CTNNA2: variants seen among roughly 807,000 people sequenced by gnomAD.
CTNNA2 encodes the protein catenin alpha-2.
CTNNA2 carries 42 observed loss-of-function variants against 101.0 expected under a neutral mutation model. The observed-to-expected ratio is 0.42, with a 90% CI of 0.32 to 0.54. The LOEUF (loss-of-function observed/expected upper bound fraction) is 0.54. CTNNA2 is among the 20% of genes least tolerant of loss of function. The pLI is 0.14. For synonymous variants in CTNNA2, 450 were observed against 456.4 expected (o/e 0.99, Z 0.18); for missense variants, 871 against 1,223.1 (o/e 0.71, Z 4.29).
At chr2:80,044,468 A>G (rs111466425) in intron 7 of CTNNA2, among the ~76,000 whole-genome samples, 1,769 of 152,296 alleles carry the variant, frequency 0.012, 34 homozygotes, top group African/African-American at 0.041. Flanking sequence ...TCTAAAATAC[A>G]TGCCATTATG....
intron 12 of CTNNA2, among the ~76,000 whole-genome samples, chr2:80,571,328 C>A (rs979280319): frequency 2.0e-5 from 3 of 152,094 alleles, no homozygotes; most frequent in Admixed American, 2.0e-4. Context: ...TTGTTCAGAT[C>A]GGTTTCTATC....
intron 17 of CTNNA2, among the ~76,000 whole-genome samples, chr2:80,610,245 C>T (rs1375122126): frequency 6.6e-6 from 1 of 151,576 alleles, no homozygotes; most frequent in Non-Finnish European, 1.5e-5. Flanking sequence ...AATTCTGCCT[C>T]CATCTTTTTC....
chr2:80,560,008 C>A (rs751057338), intron 12 of CTNNA2, among the ~76,000 whole-genome samples: 29 of 143,650 alleles, frequency 2.0e-4, no homozygotes, highest in Admixed American at 5.1e-4. Context: ...GTTAAAAGAT[C>A]TGTGAGATTC....
At chr2:79,430,524 C>A (rs541489545) in intron 4 of CTNNA2, among the ~76,000 whole-genome samples, 1 of 152,234 alleles carries the variant, frequency 6.6e-6, no homozygotes, top group Non-Finnish European at 1.5e-5. Flanking sequence ...ACCAACCAAC[C>A]AGAGCAACCA....
At chr2:79,678,629 G>A (rs1450036637) in intron 2 of CTNNA2, among the ~76,000 whole-genome samples, 3 of 151,960 alleles carry the variant, frequency 2.0e-5, no homozygotes, top group Non-Finnish European at 4.4e-5. Context: ...TGAGTTCCAG[G>A]AAGCTAGTCT....
At chr2:79,988,925 A>G (rs1275159886) in intron 7 of CTNNA2, among the ~76,000 whole-genome samples, 1 of 152,224 alleles carries the variant, frequency 6.6e-6, no homozygotes, top group Non-Finnish European at 1.5e-5. Context: ...TTGAATGATA[A>G]AAGTTCTTTT....
chr2:80,347,236 G>A (rs1369094119), intron 7 of CTNNA2, among the ~76,000 whole-genome samples: 4 of 152,184 alleles, frequency 2.6e-5, no homozygotes, highest in Admixed American at 6.5e-5. Flanking sequence ...GTTACAGGAC[G>A]TGGGGATGAG....
At chr2:79,631,320 C>T (rs1027721034) in intron 1 of CTNNA2, among the ~76,000 whole-genome samples, 4 of 152,170 alleles carry the variant, frequency 2.6e-5, no homozygotes, top group African/African-American at 7.2e-5. Flanking sequence ...TCAGTGCTCT[C>T]TGTATACCCA....
chr2:80,123,410 A>G (rs1701950382), intron 7 of CTNNA2, among the ~76,000 whole-genome samples: 1 of 151,874 alleles, frequency 6.6e-6, no homozygotes, highest in Admixed American at 6.6e-5. Context: ...GCTTGTCCTT[A>G]AAGAGGATGG....
chr2:80,589,516 T>G lies in CTNNA2; in HGVS notation c.2189+31T>G, dbSNP rs765004794. On this transcript the variant is annotated intron_variant, in intron 15 of 18. Coordinates refer to ENST00000402739, the MANE Select transcript of CTNNA2 (RefSeq NM_001282597.3). ...GCCCAGAGCCAGGGAGCTGAAGATT[T>G]TTTCATTAAACCCAGAAGTGTAGCA... 12 of 1,602,532 alleles carry G rather than the reference T, an allele frequency of 7.5e-6. No homozygotes were observed. In the South Asian group the frequency reaches 1.1e-4, roughly 15 times the overall value.
intron 2 of CTNNA2, among the ~76,000 whole-genome samples, chr2:79,302,698 A>G (rs1334800909): frequency 6.6e-6 from 1 of 152,132 alleles, no homozygotes; most frequent in African/African-American, 2.4e-5. Context: ...GCTTGCTGAG[A>G]AAGAAGGGAA....
At chr2:80,330,774 G>A (rs954465265) in intron 7 of CTNNA2, among the ~76,000 whole-genome samples, 1 of 151,922 alleles carries the variant, frequency 6.6e-6, no homozygotes, top group African/African-American at 2.4e-5. Context: ...CTATAGCAAC[G>A]GCTCCACCAG....
intron 9 of CTNNA2, among the ~76,000 whole-genome samples, chr2:80,436,258 G>A (rs532400563): frequency 6.6e-6 from 1 of 152,296 alleles, no homozygotes; most frequent in East Asian, 1.9e-4. Context: ...GTTACAGAAA[G>A]CAAAAGGTCT....
At chr2:80,422,072 A>T (rs188261207) in intron 9 of CTNNA2, among the ~76,000 whole-genome samples, 16 of 152,300 alleles carry the variant, frequency 1.1e-4, no homozygotes, top group African/African-American at 3.1e-4. Context: ...TCATGCTGCT[A>T]ATAAAGACAT....
intron 9 of CTNNA2, among the ~76,000 whole-genome samples, chr2:80,433,263 G>T (rs1264701406): frequency 6.6e-6 from 1 of 152,072 alleles, no homozygotes; most frequent in Admixed American, 6.5e-5. Context: ...AGGTGTTTGT[G>T]TCCATCCTGG....
At chr2:80,309,714 A>G in intron 7 of CTNNA2, among the ~76,000 whole-genome samples, 1 of 149,588 alleles carries the variant, frequency 6.7e-6, no homozygotes, top group Non-Finnish European at 1.5e-5. Flanking sequence ...TTTGTTTTTG[A>G]GACGGAGTCT....
At chr2:79,661,245 C>T (rs562916264) in intron 2 of CTNNA2, among the ~76,000 whole-genome samples, 5 of 152,182 alleles carry the variant, frequency 3.3e-5, no homozygotes, top group African/African-American at 9.6e-5. Context: ...TCTTATTAGC[C>T]TAGGGAGATG....
At chr2:79,303,812 G>A (rs911503544) in intron 2 of CTNNA2, among the ~76,000 whole-genome samples, 1 of 151,956 alleles carries the variant, frequency 6.6e-6, no homozygotes, top group African/African-American at 2.4e-5. Context: ...AGTGGGGGCT[G>A]AGGGAATGCC....
At chr2:79,981,358 C>T (rs569774994) in intron 7 of CTNNA2, among the ~76,000 whole-genome samples, 35 of 152,200 alleles carry the variant, frequency 2.3e-4, no homozygotes, top group African/African-American at 7.9e-4. Flanking sequence ...GTCTTCAATT[C>T]TTGTGGATAC....
Sources: gnomAD v4.1 joint callset for allele counts (sites outside exome capture counted in the v4.1 genomes callset) on GRCh38, gnomAD v4.1.1 for gene constraint, MANE v1.5 for transcripts, NCBI Gene and HGNC (gene_info 2026-07-23, HGNC 2026-07-21) for gene names.